The following REDIC1 variants were observed in gnomAD, a reference collection of about 807,000 sequenced individuals.
REDIC1 encodes regulator of DNA class I crossover intermediates 1, also known as HEI10 Interacting Protein 1.
At chr12:39,722,660 C>T in the REDIC1 span, among the ~76,000 whole-genome samples, 1 of 152,096 alleles carries the variant, frequency 6.6e-6, no homozygotes. Context: ...TATGAAAGTA[C>T]ACACCTAGTT....
At chr12:39,751,686 AT>A in the REDIC1 span, among the ~76,000 whole-genome samples, 1 of 152,212 alleles carries the variant, frequency 6.6e-6, no homozygotes, top group African/African-American at 2.4e-5. Flanking sequence ...GATTAAGAAA[AT>A]GTGGCACGTA....
At chr12:39,632,118 A>G in the REDIC1 span, among the ~76,000 whole-genome samples, 5 of 151,604 alleles carry the variant, frequency 3.3e-5, no homozygotes, top group East Asian at 9.6e-4. Context: ...ATTTTTTGAG[A>G]TGGAATCTCT....
the REDIC1 span, among the ~76,000 whole-genome samples, chr12:39,709,095 C>T: frequency 6.6e-6 from 1 of 151,766 alleles, no homozygotes; most frequent in Admixed American, 6.6e-5. Context: ...ATAGATTCTG[C>T]ATGTTTCTTG....
chr12:39,681,902 A>G, the REDIC1 span, among the ~76,000 whole-genome samples: 1 of 152,170 alleles, frequency 6.6e-6, no homozygotes, highest in Non-Finnish European at 1.5e-5. Flanking sequence ...TCACTTCCAA[A>G]TAAATTTGTA....
the REDIC1 span, among the ~76,000 whole-genome samples, chr12:39,698,158 G>A: frequency 1.3e-5 from 2 of 152,196 alleles, no homozygotes. Context: ...ACAAAAGAAG[G>A]TCATTATAAT....
the REDIC1 span, among the ~76,000 whole-genome samples, chr12:39,906,437 G>A: frequency 1.3e-5 from 2 of 152,016 alleles, no homozygotes; most frequent in African/African-American, 2.4e-5. Flanking sequence ...AAAGTCACTA[G>A]ATAACTTTCC....
At chr12:39,634,823 G>T in the REDIC1 span, among the ~76,000 whole-genome samples, 1 of 152,028 alleles carries the variant, frequency 6.6e-6, no homozygotes, top group Non-Finnish European at 1.5e-5. Context: ...CACAGCAAAA[G>T]AAACTGTCAG....
At chr12:39,800,167 C>T in the REDIC1 span, among the ~76,000 whole-genome samples, 4 of 152,142 alleles carry the variant, frequency 2.6e-5, no homozygotes, top group Non-Finnish European at 5.9e-5. Flanking sequence ...AACTTTAAAT[C>T]CTTGGCATTT....
chr12:39,821,711 C>A, the REDIC1 span, among the ~76,000 whole-genome samples: 2 of 152,122 alleles, frequency 1.3e-5, no homozygotes, highest in African/African-American at 4.8e-5. Flanking sequence ...AAACTCCATG[C>A]CTTAAAGCTT....
chr12:39,766,709 C>A, the REDIC1 span, among the ~76,000 whole-genome samples: 2 of 152,076 alleles, frequency 1.3e-5, no homozygotes, highest in African/African-American at 2.4e-5. Context: ...ACTGTAAATC[C>A]TTTGATATCA....
chr12:39,631,222 T>C, the REDIC1 span, among the ~76,000 whole-genome samples: 1 of 152,298 alleles, frequency 6.6e-6, no homozygotes, highest in Non-Finnish European at 1.5e-5. Flanking sequence ...GTACTCTACA[T>C]TTTGATGGCA....
At chr12:39,665,758 G>A in the REDIC1 span, among the ~76,000 whole-genome samples, 1 of 151,702 alleles carries the variant, frequency 6.6e-6, no homozygotes, top group East Asian at 1.9e-4. Flanking sequence ...TTGAGCAGTG[G>A]TTTGTAGTTC....
the REDIC1 span, among the ~76,000 whole-genome samples, chr12:39,687,171 C>T: frequency 2.6e-4 from 39 of 152,320 alleles, no homozygotes; most frequent in Non-Finnish European, 2.9e-4. Flanking sequence ...GCCTGCCACA[C>T]TCTTCCAATT....
chr12:39,901,952 T>C, the REDIC1 span, among the ~76,000 whole-genome samples: 1 of 151,982 alleles, frequency 6.6e-6, no homozygotes. Flanking sequence ...AAAATGTCCA[T>C]CAATGATAGA....
chr12:39,775,346 A>G, the REDIC1 span, among the ~76,000 whole-genome samples: 1 of 152,234 alleles, frequency 6.6e-6, no homozygotes, highest in Non-Finnish European at 1.5e-5. Context: ...GCCAACAAGC[A>G]AGGCAATAGG....
chr12:39,835,308 A>G, the REDIC1 span, among the ~76,000 whole-genome samples: 38 of 152,204 alleles, frequency 2.5e-4, no homozygotes, highest in African/African-American at 8.9e-4. Context: ...AGAAATACCT[A>G]TGATCTAACC....
At chr12:39,790,384 C>T in the REDIC1 span, among the ~76,000 whole-genome samples, 1 of 125,078 alleles carries the variant, frequency 8.0e-6, no homozygotes, top group Non-Finnish European at 1.6e-5. Context: ...CCCCACCCCA[C>T]CACAGTCCCC....
At chr12:39,653,113 A>G in the REDIC1 span, among the ~76,000 whole-genome samples, 3 of 152,274 alleles carry the variant, frequency 2.0e-5, no homozygotes, top group Admixed American at 1.3e-4. Context: ...TGTTGAATTT[A>G]TAGATTAATT....
chr12:39,739,437 C>T, the REDIC1 span, among the ~76,000 whole-genome samples: 1 of 152,130 alleles, frequency 6.6e-6, no homozygotes, highest in African/African-American at 2.4e-5. Context: ...AATGATCACA[C>T]ATTAGAAGAA....
Sources: gnomAD v4.1 joint callset for allele counts (sites outside exome capture counted in the v4.1 genomes callset) on GRCh38, gnomAD v4.1.1 for gene constraint, MANE v1.5 for transcripts, NCBI Gene and HGNC (gene_info 2026-07-23, HGNC 2026-07-21) for gene names.